UBE2E2: variants seen among roughly 807,000 people sequenced by gnomAD.
UBE2E2 encodes ubiquitin-conjugating enzyme E2 E2.
Under a neutral mutation model 24.7 loss-of-function variants are expected in UBE2E2, and 6 were observed. The observed-to-expected ratio is 0.24, with a 90% CI of 0.13 to 0.48. The LOEUF (loss-of-function observed/expected upper bound fraction) is 0.48. Among genes scored for constraint, UBE2E2 ranks in the 20% least tolerant of loss-of-function variants. The pLI, the probability that UBE2E2 is intolerant of heterozygous loss-of-function variation, is 0.99. For missense variants in UBE2E2, 169 were observed against 245.0 expected (o/e 0.69, Z 2.07); for synonymous variants, 104 against 83.6 (o/e 1.24, Z -1.33).
At chr3:23,528,926 A>G (rs920678847) in intron 4 of UBE2E2, among the ~76,000 whole-genome samples, 1 of 152,158 alleles carries the variant, frequency 6.6e-6, no homozygotes, top group South Asian at 2.1e-4. Context: ...TTATCTGCCT[A>G]TTCTACCACA....
chr3:23,424,647 G>A (rs1243316927), intron 3 of UBE2E2, among the ~76,000 whole-genome samples: 1 of 152,146 alleles, frequency 6.6e-6, no homozygotes, highest in Non-Finnish European at 1.5e-5. Context: ...TTGAGCTAAT[G>A]TATTGTGTAA....
At chr3:23,442,364 A>G (rs570242693) in intron 3 of UBE2E2, among the ~76,000 whole-genome samples, 98 of 152,156 alleles carry the variant, frequency 6.4e-4, no homozygotes, top group Non-Finnish European at 9.3e-4. Flanking sequence ...AACCCCCCAA[A>G]AAGGACTTGT....
intron 4 of UBE2E2, among the ~76,000 whole-genome samples, chr3:23,528,089 A>T (rs1695041501): frequency 6.6e-6 from 1 of 152,160 alleles, no homozygotes; most frequent in Non-Finnish European, 1.5e-5. Flanking sequence ...TCTGACTCTA[A>T]ATCCAGGTGG....
rs114368462 is a variant in UBE2E2 at position 23,520,619 on chromosome 3, A to G, written c.361-11935A>G. Among the ~76,000 whole-genome samples the G allele has an allele frequency of 3.1e-3, 465 of 152,374 alleles. 2 individuals carry two copies. The highest frequency in any genetic ancestry group is 9.8e-3 in the African/African-American group (407 of 41,596). ...TATAATAGCTGTAAATTTACTTATC[A>G]TTAACAGAATCAGTCATTGTTTTAC... On this transcript the variant is annotated intron_variant, in intron 4 of 5. Transcript: ENST00000396703.
intron 3 of UBE2E2, among the ~76,000 whole-genome samples, chr3:23,382,969 A>G (rs1696713526): frequency 2.0e-5 from 3 of 152,206 alleles, no homozygotes; most frequent in Admixed American, 1.3e-4. Flanking sequence ...ATTGTAATGT[A>G]CGTTAAGGAG....
chr3:23,542,860 G>A (rs1695423924), intron 5 of UBE2E2, among the ~76,000 whole-genome samples: 1 of 152,280 alleles, frequency 6.6e-6, no homozygotes, highest in African/African-American at 2.4e-5. Context: ...TGACCTCAGG[G>A]ATTTAGCCTT....
chr3:23,508,777 A>G (rs761259447), intron 4 of UBE2E2, among the ~76,000 whole-genome samples: 11 of 152,220 alleles, frequency 7.2e-5, no homozygotes, highest in Non-Finnish European at 1.3e-4. Context: ...TACTGTCAGC[A>G]TAACTGGGAG....
chr3:23,589,914 T>G lies in UBE2E2; in HGVS notation c.*83T>G. 7.7e-7 allele frequency: 1 copy of G among 1,299,256 alleles called. No homozygotes were observed. Among genetic ancestry groups the G allele is most frequent in the East Asian group, 2.4e-5 (1 of 42,042 alleles). 80.5% of individuals were successfully genotyped at this position (1,299,256 alleles called of 1,614,324 possible). On this transcript the variant is annotated 3_prime_UTR_variant, in exon 6 of 6. Transcript: ENST00000396703. The surrounding 1 kb of genome is among the most constrained non-coding windows in gnomAD (Gnocchi z 4.1). The stretch of plus-strand genomic sequence containing the variant: ...GTAGCCCTGCCCACCCCTCCAGACC[T>G]CGGTTCTTATTTTCCTATTTTTATT...
At chr3:23,515,683 G>T (rs554970128) in intron 4 of UBE2E2, among the ~76,000 whole-genome samples, 1 of 152,194 alleles carries the variant, frequency 6.6e-6, no homozygotes, top group South Asian at 2.1e-4. Flanking sequence ...AGGGCAAGGT[G>T]CAGTGGCTAA....
At chr3:23,273,307 A>C (rs1050818481) in intron 3 of UBE2E2, among the ~76,000 whole-genome samples, 71 of 152,154 alleles carry the variant, frequency 4.7e-4, no homozygotes, top group African/African-American at 1.5e-3. Context: ...TGGGAGGCCG[A>C]GGTGGGCGGA....
intron 3 of UBE2E2, among the ~76,000 whole-genome samples, chr3:23,229,386 C>T (rs1461550778): frequency 1.3e-5 from 2 of 151,812 alleles, no homozygotes; most frequent in African/African-American, 2.4e-5. Context: ...TTTGGTGCAC[C>T]CATCTCCTGA....
At chr3:23,461,834 G>C (rs1475481005) in intron 3 of UBE2E2, among the ~76,000 whole-genome samples, 1 of 152,038 alleles carries the variant, frequency 6.6e-6, no homozygotes, top group African/African-American at 2.4e-5. Context: ...TGATTACATT[G>C]CATGTTCTGA....
intron 3 of UBE2E2, among the ~76,000 whole-genome samples, chr3:23,251,083 T>TCCCA (rs1166822208): frequency 6.6e-6 from 1 of 152,168 alleles, no homozygotes; most frequent in Non-Finnish European, 1.5e-5. Flanking sequence ...GGTCTCAAAC[T>TCCCA]CCTGGGCTCA....
intron 3 of UBE2E2, among the ~76,000 whole-genome samples, chr3:23,446,550 C>A (rs776734597): frequency 1.3e-5 from 2 of 152,066 alleles, no homozygotes; most frequent in Non-Finnish European, 2.9e-5. Context: ...AAGTTACCTG[C>A]CTTTCATCTT....
intron 3 of UBE2E2, among the ~76,000 whole-genome samples, chr3:23,433,624 G>A (rs903535509): frequency 7.9e-5 from 12 of 151,802 alleles, no homozygotes; most frequent in African/African-American, 2.4e-4. Flanking sequence ...TGCATTAAAG[G>A]ATCAAGAAAA....
At chr3:23,556,453 T>TAAAAAAAAAAAAAAAAAAA (rs1321819270) in intron 5 of UBE2E2, among the ~76,000 whole-genome samples, 5 of 68,998 alleles carry the variant, frequency 7.2e-5, no homozygotes, top group African/African-American at 2.0e-4. Context: ...TAAAATTTAT[T>TAAAAAAAAAAAAAAAAAAA]TAAAAAAAAA....
intron 3 of UBE2E2, among the ~76,000 whole-genome samples, chr3:23,475,828 T>G (rs952691868): frequency 5.9e-5 from 9 of 152,056 alleles, no homozygotes; most frequent in African/African-American, 2.2e-4. Flanking sequence ...GAATGCTAGG[T>G]ACATCATGCC....
chr3:23,257,512 G>GGC (rs1697762836), intron 3 of UBE2E2, among the ~76,000 whole-genome samples: 2 of 31,156 alleles, frequency 6.4e-5, no homozygotes, highest in Non-Finnish European at 5.9e-5. Context: ...TGTTTCCCGT[G>GGC]CCCCCCCCCC....
intron 3 of UBE2E2, among the ~76,000 whole-genome samples, chr3:23,350,033 C>A (rs1695689504): frequency 6.6e-6 from 1 of 152,194 alleles, no homozygotes; most frequent in Non-Finnish European, 1.5e-5. Flanking sequence ...TCCTCTGAGA[C>A]AAAACTTCCA....
Sources: gnomAD v4.1 joint callset for allele counts (sites outside exome capture counted in the v4.1 genomes callset) on GRCh38, gnomAD v4.1.1 for gene constraint, Gnocchi (gnomAD v3.1) non-coding constraint, MANE v1.5 for transcripts, NCBI Gene and HGNC (gene_info 2026-07-23, HGNC 2026-07-21) for gene names.